HSPA12A: variants seen among roughly 807,000 people sequenced by gnomAD.
HSPA12A encodes heat shock 70 kDa protein 12A.
A neutral mutation model predicts 69.2 loss-of-function variants in HSPA12A; 28 were observed. That is an observed-to-expected ratio of 0.40 (90% confidence interval 0.30 to 0.55). The LOEUF is 0.55. HSPA12A is among the 20% of genes least tolerant of loss of function. The pLI is 0.38. For synonymous variants in HSPA12A, 345 were observed against 370.5 expected, an observed-to-expected ratio of 0.93 and a Z score of 0.79; for missense variants, 686 against 900.7, an observed-to-expected ratio of 0.76 and a Z score of 3.05.
At position 116,681,222 on chromosome 10, in the gene HSPA12A, G is replaced by A; in HGVS notation, c.957C>T (p.Gly319=). 9 of 1,614,084 alleles carry A rather than the reference G, an allele frequency of 5.6e-6. No homozygotes were observed. Among genetic ancestry groups the A allele is most frequent in the Non-Finnish European group, 7.6e-6 (9 of 1,180,002 alleles). The part of the protein sequence containing the change: ...DKYVVVDSGG[G]TVDLTVHQIR... ...TCTGATGGACTGTCAGGTCTACGGT[G>A]CCACCGCCACTGTCCACAACCACAT... Residue 319 remains glycine, a synonymous_variant, in exon 9 of 12, where the codon GGC becomes GGT. Coordinates refer to ENST00000369209, the MANE Select transcript of HSPA12A (RefSeq NM_025015.3).
intron 6 of HSPA12A, among the ~76,000 whole-genome samples, chr10:116,688,369 A>G (rs1240749859): frequency 6.6e-6 from 1 of 152,220 alleles, no homozygotes; most frequent in East Asian, 1.9e-4. Flanking sequence ...GCCTCCTCCA[A>G]GAATTCGGGG....
rs782461502 is a variant in HSPA12A, at chr10:116,679,666, G to A, written c.1123C>T (p.Arg375Cys). The change falls in exon 10 of 12, where the codon CGC becomes TGC. Residue 375 changes from arginine to cysteine, a missense_variant. Coordinates refer to ENST00000369209, the MANE Select transcript of HSPA12A (RefSeq NM_025015.3). ...EDFIEQFKIK[R>C]PAAWVDLMIA... ...ATTAAGTCAACCCAGGCTGCAGGGC[G>A]TTTGATTTTGAATTGTTCAATAAAA... 14 of 1,614,218 alleles carry A rather than the reference G, an allele frequency of 8.7e-6. No individual in the cohort carries two copies. Among genetic ancestry groups the A allele is most frequent in the East Asian group, 2.2e-5 (1 of 44,878 alleles).
chr10:116,726,027 G>GCGCGCGCGCACA (rs140160132), intron 1 of HSPA12A, among the ~76,000 whole-genome samples: 2 of 146,114 alleles, frequency 1.4e-5, no homozygotes, highest in African/African-American at 2.6e-5. Flanking sequence ...ACACACACAC[G>GCGCGCGCGCACA]CACACACACA....
chr10:116,718,005 C>A (rs1412560597), intron 1 of HSPA12A, among the ~76,000 whole-genome samples: 1 of 152,178 alleles, frequency 6.6e-6, no homozygotes, highest in African/African-American at 2.4e-5. Context: ...GGCCATATGA[C>A]CACAGCTTGA....
chr10:116,830,239 T>C (rs931090186), intron 2 of HSPA12A: 1 of 152,158 alleles, frequency 6.6e-6, no homozygotes, highest in Non-Finnish European at 1.5e-5. Flanking sequence ...TAGAAACATG[T>C]AGGCCAAGAT....
At chr10:116,818,579 G>T (rs1564829983) in intron 2 of HSPA12A, among the ~76,000 whole-genome samples, 1 of 152,138 alleles carries the variant, frequency 6.6e-6, no homozygotes, top group Non-Finnish European at 1.5e-5. Flanking sequence ...TCAGCTGCTT[G>T]ATGCAAACTG....
At chr10:116,806,629 C>T (rs763749789) in intron 2 of HSPA12A, among the ~76,000 whole-genome samples, 7 of 152,284 alleles carry the variant, frequency 4.6e-5, no homozygotes, top group East Asian at 1.9e-4. Context: ...TGCAGCCCCA[C>T]GCCACCCCTA....
intron 3 of HSPA12A, among the ~76,000 whole-genome samples, chr10:116,701,579 T>A (rs1564786125): frequency 6.6e-6 from 1 of 152,230 alleles, no homozygotes; most frequent in Non-Finnish European, 1.5e-5. Context: ...GCAAATGAGA[T>A]GCCCAAGGTG....
chr10:116,734,650 C>CTT (rs10631951), intron 1 of HSPA12A, among the ~76,000 whole-genome samples: 74,994 of 133,418 alleles, frequency 0.56, 21,619 homozygotes, highest in Middle Eastern at 0.75. Flanking sequence ...AGATTTTCAG[C>CTT]TTTTTTTTTT....
At chr10:116,776,874 G>A (rs781807606) in intron 2 of HSPA12A, among the ~76,000 whole-genome samples, 19 of 152,210 alleles carry the variant, frequency 1.2e-4, no homozygotes, top group Non-Finnish European at 2.4e-4. Context: ...GGGATGTGAG[G>A]CATCATATAA....
intron 3 of HSPA12A, among the ~76,000 whole-genome samples, chr10:116,701,681 C>T (rs1358117137): frequency 6.6e-6 from 1 of 152,216 alleles, no homozygotes; most frequent in Non-Finnish European, 1.5e-5. Flanking sequence ...AAGGATACTC[C>T]AGGCTGCTCA....
upstream of HSPA12A, chr10:116,850,050 C>T: frequency 1.9e-6 from 1 of 515,034 alleles, no homozygotes; most frequent in South Asian, 2.0e-5. Flanking sequence ...TGTGGGCCGG[C>T]CCACCGCCCA....
chr10:116,784,567 A>G (rs151069969), intron 2 of HSPA12A, among the ~76,000 whole-genome samples: 11 of 152,350 alleles, frequency 7.2e-5, no homozygotes, highest in East Asian at 5.8e-4. Context: ...TGAATGAATG[A>G]ATGGATGAGT....
intron 1 of HSPA12A, among the ~76,000 whole-genome samples, chr10:116,720,974 C>T (rs1216778228): frequency 6.6e-6 from 1 of 152,192 alleles, no homozygotes; most frequent in African/African-American, 2.4e-5. Context: ...TCAGAACAGG[C>T]AGCCGCAGCA....
At chr10:116,741,873 C>T (rs1851519660) in intron 1 of HSPA12A, among the ~76,000 whole-genome samples, 1 of 152,216 alleles carries the variant, frequency 6.6e-6, no homozygotes, top group African/African-American at 2.4e-5. Context: ...GGGTGAGAAG[C>T]CCTTCGGCCG....
intron 2 of HSPA12A, among the ~76,000 whole-genome samples, chr10:116,756,300 T>C (rs1162925021): frequency 1.3e-5 from 2 of 152,284 alleles, no homozygotes; most frequent in East Asian, 3.8e-4. Context: ...GGCTCCTAAA[T>C]TGTGTTGCTC....
intron 2 of HSPA12A, among the ~76,000 whole-genome samples, chr10:116,805,278 T>C (rs1195723771): frequency 6.6e-6 from 1 of 152,130 alleles, no homozygotes; most frequent in African/African-American, 2.4e-5. Context: ...ATCGCGCCAC[T>C]GCACTCCAGC....
intron 2 of HSPA12A, among the ~76,000 whole-genome samples, chr10:116,756,339 A>G (rs559692988): frequency 2.8e-4 from 43 of 152,346 alleles, no homozygotes; most frequent in Non-Finnish European, 5.4e-4. Context: ...CTCAAAACAA[A>G]CTGGCTGGTG....
chr10:116,684,680 C>T (rs1564776435), intron 6 of HSPA12A, among the ~76,000 whole-genome samples: 1 of 152,144 alleles, frequency 6.6e-6, no homozygotes, highest in South Asian at 2.1e-4. Context: ...TTATTCAAAG[C>T]CTCCACCCTT....
Sources: gnomAD v4.1 joint callset for allele counts (sites outside exome capture counted in the v4.1 genomes callset) on GRCh38, gnomAD v4.1.1 for gene constraint, MANE v1.5 for transcripts, NCBI Gene and HGNC (gene_info 2026-07-23, HGNC 2026-07-21) for gene names.